The following RNF216 variants were observed in gnomAD, a reference collection of about 807,000 sequenced individuals.
RNF216 encodes the protein E3 ubiquitin-protein ligase RNF216.
RNF216 carries 72 observed loss-of-function variants against 110.8 expected under a neutral mutation model. That is an observed-to-expected ratio of 0.65 (90% CI 0.54 to 0.79). The LOEUF is 0.79. Among genes scored for constraint, RNF216 ranks in the 30% least tolerant of loss-of-function variants. RNF216 has a pLI of 0.00. For synonymous variants in RNF216, 495 were observed against 407.5 expected (o/e 1.21, Z -2.59); for missense variants, 1,342 against 1,141.2 (o/e 1.18, Z -2.54).
At chr7:5,712,661 A>G in intron 12 of RNF216, 54 bp downstream of exon 12, 1 of 1,583,570 alleles carries the variant, frequency 6.3e-7, no homozygotes, top group Non-Finnish European at 8.7e-7. Context: ...GTGCCCAGGT[A>G]GTTTTCACAA....
Position 5,624,034 on chromosome 7 carries a change from G to A in RNF216, c.2452+22C>T, listed in dbSNP as rs1279640410. Reference sequence around the variant, plus strand: ...TGGCCTGGCTGCTGCTCTGTCCTGGGGGCCTGGGGAGGGGCACTTGCCTCC... The same window carrying A: ...TGGCCTGGCTGCTGCTCTGTCCTGGAGGCCTGGGGAGGGGCACTTGCCTCC... On this transcript the variant is annotated intron_variant, in intron 16 of 16. Transcript: ENST00000389902. This position sits in a 1 kb window ranked among gnomAD's most constrained non-coding sequence, Gnocchi z 4.4. The A allele has an allele frequency of 6.2e-7, 1 of 1,609,242 alleles. No homozygotes were observed. The highest frequency in any genetic ancestry group is 8.5e-7 in the Non-Finnish European group (1 of 1,177,092).
intron 3 of RNF216, among the ~76,000 whole-genome samples, chr7:5,749,203 T>G (rs1584567449): frequency 6.7e-6 from 1 of 149,110 alleles, no homozygotes; most frequent in Non-Finnish European, 1.5e-5. Flanking sequence ...CAGGCTAGAG[T>G]GCAGTGGCGT....
At chr7:5,697,082 C>A (rs955232340) in intron 13 of RNF216, among the ~76,000 whole-genome samples, 4 of 122,116 alleles carry the variant, frequency 3.3e-5, no homozygotes, top group African/African-American at 1.0e-4. Context: ...GTCTATTTAT[C>A]TTCAAAGTCC....
intron 13 of RNF216, among the ~76,000 whole-genome samples, chr7:5,660,356 AT>A (rs1789033922): frequency 7.9e-6 from 1 of 126,744 alleles, no homozygotes; most frequent in Non-Finnish European, 1.6e-5. Flanking sequence ...CAGTGGCGCA[AT>A]CTCGGCTCAC....
rs1326557636 is a variant in RNF216 at position 5,781,637 on chromosome 7, C to G, written c.-166G>C. ...GCCGCAGCTGCGAGCTCCGTGGCAGCCGCTGCACTCCTTCCGGCCCTGCCG... is the reference window on the plus strand; with the variant it reads ...GCCGCAGCTGCGAGCTCCGTGGCAGGCGCTGCACTCCTTCCGGCCCTGCCG... On this transcript the variant is annotated 5_prime_UTR_variant, in exon 1 of 17. Coordinates refer to ENST00000389902, the MANE Select transcript of RNF216 (RefSeq NM_207111.4). 6.6e-6 allele frequency: 1 copy of G among 152,320 alleles called. No individual in the cohort carries two copies. Among genetic ancestry groups the G allele is most frequent in the Non-Finnish European group, 1.5e-5 (1 of 68,094 alleles). The allele number at this position is 152,320 out of a possible 1,614,324, so 9.4% of individuals were successfully genotyped here. A position where few individuals can be genotyped will look rare whatever the true frequency, so the allele number is the denominator to read the frequency against.
intron 14 of RNF216, among the ~76,000 whole-genome samples, chr7:5,649,393 A>G (rs1323914630): frequency 2.6e-5 from 4 of 152,062 alleles, no homozygotes; most frequent in Admixed American, 2.6e-4. Context: ...AAGGAAAAAA[A>G]AAAAAGACAG....
At chr7:5,771,734 T>C (rs1025633416) in intron 1 of RNF216, among the ~76,000 whole-genome samples, 1 of 151,798 alleles carries the variant, frequency 6.6e-6, no homozygotes, top group Non-Finnish European at 1.5e-5. Flanking sequence ...GAGGTGGAGG[T>C]TGCAGTAGGC....
intron 2 of RNF216, among the ~76,000 whole-genome samples, chr7:5,758,000 GA>G (rs946816965): frequency 1.3e-5 from 2 of 150,728 alleles, no homozygotes; most frequent in African/African-American, 2.4e-5. Flanking sequence ...CTTGATTAAA[GA>G]AAAAAAAATT....
At chr7:5,694,194 A>G (rs1791494561) in intron 13 of RNF216, among the ~76,000 whole-genome samples, 1 of 152,216 alleles carries the variant, frequency 6.6e-6, no homozygotes, top group Admixed American at 6.5e-5. Flanking sequence ...TAAACTTTCC[A>G]TTTTAGGACG....
intron 13 of RNF216, among the ~76,000 whole-genome samples, chr7:5,665,565 A>G (rs548533015): frequency 1.3e-5 from 2 of 152,186 alleles, no homozygotes; most frequent in South Asian, 2.1e-4. Context: ...GCTGCCCCCT[A>G]GGGATGGAAA....
At chr7:5,748,071 C>G (rs4724720) in intron 3 of RNF216, among the ~76,000 whole-genome samples, 148,987 of 152,234 alleles carry the variant, frequency 0.98, 72,921 homozygotes, top group Middle Eastern at 0.99. Context: ...TACCAATAGG[C>G]GGTATCAGGC....
intron 8 of RNF216, among the ~76,000 whole-genome samples, chr7:5,723,938 C>T (rs574674246): frequency 6.6e-6 from 1 of 152,186 alleles, no homozygotes; most frequent in Non-Finnish European, 1.5e-5. Context: ...AGTGTAATTT[C>T]TATCTTATAC....
chr7:5,764,837 C>T (rs1166128155), intron 1 of RNF216, among the ~76,000 whole-genome samples: 4 of 151,798 alleles, frequency 2.6e-5, no homozygotes, highest in Admixed American at 6.6e-5. Context: ...GAAGCCAAAG[C>T]GGGACAATCA....
chr7:5,648,983 T>A (rs551498073), intron 14 of RNF216, among the ~76,000 whole-genome samples: 1 of 152,274 alleles, frequency 6.6e-6, no homozygotes, highest in Admixed American at 6.5e-5. Context: ...TTGTTAGTGG[T>A]CATAAAGGTA....
intron 13 of RNF216, among the ~76,000 whole-genome samples, chr7:5,689,930 C>CA (rs200428847): frequency 0.04 from 4,940 of 123,668 alleles, 162 homozygotes; most frequent in African/African-American, 0.1. Flanking sequence ...GACTCTGTCT[C>CA]AAACAAAAAA....
At position 5,644,558 on chromosome 7, in the gene RNF216, TGCA is replaced by T. The variant is rs796735235; in HGVS notation, c.2160-3185_2160-3183del. ...TCTCACTCTGTCATCCAGGCTGGAG[TGCA>T]GTAGTGTAATATCAGCTCACTGCAA... On this transcript the variant is annotated intron_variant, in intron 14 of 16. Transcript: ENST00000389902. Among the ~76,000 whole-genome samples the T allele has an allele frequency of 5.0e-4, 76 of 151,882 alleles. 1 individual carries two copies. The highest frequency in any genetic ancestry group is 1.8e-3 in the African/African-American group (75 of 41,404).
chr7:5,770,065 G>A (rs1443447213), intron 1 of RNF216, among the ~76,000 whole-genome samples: 2 of 120,376 alleles, frequency 1.7e-5, no homozygotes, highest in African/African-American at 3.1e-5. Context: ...ACTGAAAATC[G>A]GCTGGGCGTG....
intron 13 of RNF216, among the ~76,000 whole-genome samples, chr7:5,669,099 G>A (rs761349870): frequency 2.0e-5 from 3 of 152,176 alleles, no homozygotes; most frequent in Non-Finnish European, 2.9e-5. Flanking sequence ...CCCCTTGGTG[G>A]AAACTATCCC....
rs1791838966 is a variant in RNF216, at chr7:5,699,609, A to G, written c.2061+12152T>C. 2.0e-5 allele frequency among the ~76,000 whole-genome samples: 3 copies of G among 152,346 alleles called. No individual in the cohort carries two copies. In the South Asian group the frequency reaches 6.2e-4, roughly 32 times the overall value. On this transcript the variant is annotated intron_variant, in intron 13 of 16. Transcript: ENST00000389902. ...TTCTCATCACGGCTCTGCATTACCA[A>G]GGATATTCACAGTCCATCTTCCCAG...
Sources: allele counts gnomAD v4.1 joint callset (sites outside exome capture counted in the v4.1 genomes callset), GRCh38; gene constraint gnomAD v4.1.1; non-coding constraint Gnocchi (gnomAD v3.1); transcripts MANE v1.5; gene names NCBI Gene and HGNC (gene_info 2026-07-23, HGNC 2026-07-21).